CYFIP1: variants seen among roughly 807,000 people sequenced by gnomAD.
The protein encoded by CYFIP1 is cytoplasmic FMR1 interacting protein 1.
CYFIP1 carries 58 observed loss-of-function variants against 163.5 expected under a neutral mutation model. The ratio of observed to expected loss-of-function variants is 0.35; its 90% CI spans 0.29 to 0.44. The LOEUF (loss-of-function observed/expected upper bound fraction) is 0.44, where lower values mean the gene tolerates loss of function less well. Ranked by LOEUF, CYFIP1 falls within the 20% of genes least tolerant of loss-of-function variation. The pLI, the probability that CYFIP1 is intolerant of heterozygous loss-of-function variation, is 1.00. For missense variants in CYFIP1, 1,338 were observed against 1,653.8 expected (o/e 0.81, Z 3.31); for synonymous variants, 663 against 660.7 (o/e 1.00, Z -0.05).
chr15:22,870,098 C>T lies in CYFIP1; in HGVS notation c.3692G>A (p.Gly1231Glu), dbSNP rs1289296912. ...ILDKYLKSGD[G>E]EGTPVEHVRC... ...CACATGCTCCACTGGCGTGCCCTCC[C>T]CGTCGCCTGACTTCAGGTACTTATC... Residue 1231 changes from glycine (G) to glutamate (E), a missense_variant, in exon 31 of 31, where the codon GGG (glycine) becomes GAG (glutamate). Transcript: ENST00000617928. The T allele has an allele frequency of 3.1e-6, 5 of 1,613,046 alleles. No individual in the cohort carries two copies. In the East Asian group the frequency reaches 1.1e-4, roughly 36 times the overall value.
At position 22,918,804 on chromosome 15, in the gene CYFIP1, AC is replaced by A; in HGVS notation, c.1413del (p.Phe472SerfsTer19). The A allele has an allele frequency of 6.2e-7, 1 of 1,613,064 alleles. No individual in the cohort carries two copies. Among genetic ancestry groups the A allele is most frequent in the Non-Finnish European group, 8.5e-7 (1 of 1,179,414 alleles). Reference protein sequence around the residue: ...LQVLMGRMESVFNHAIRHTVY... With the variant: ...LQVLMGRMESXFNHAIRHTVY... ...ACGGTGTGCCGGATGGCGTGGTTGA[AC>A]ACGCTCTCCATCCTGCCCATCAGCA... On this transcript the variant is annotated frameshift_variant, in exon 14 of 31. Transcript: ENST00000617928. LOFTEE classifies it high-confidence loss of function.
chr15:22,891,951 A>G lies in CYFIP1; in HGVS notation c.2676+939T>C, dbSNP rs115298884. On this transcript the variant is annotated intron_variant, in intron 23 of 30. Transcript: ENST00000617928. ...CATCCCAGCTCCAGGCATTGGGCAGATGGGGCAGACAATGTCCTGTGATTG... is the reference window on the plus strand; with the variant it reads ...CATCCCAGCTCCAGGCATTGGGCAGGTGGGGCAGACAATGTCCTGTGATTG... 1.1e-3 allele frequency among the ~76,000 whole-genome samples: 171 copies of G among 152,314 alleles called. 2 individuals carry two copies. The highest frequency in any genetic ancestry group is 3.9e-3 in the African/African-American group (164 of 41,578).
Position 22,867,296 on chromosome 15 carries a change from G to T in CYFIP1, c.*2732C>A. On this transcript the variant is annotated 3_prime_UTR_variant, in exon 31 of 31. Coordinates refer to ENST00000617928, the MANE Select transcript of CYFIP1 (RefSeq NM_014608.6). ...GTGATTTACCTTACCTACAAAAGTG[G>T]CTCCTGTTTGTTTGATGATGATTGG... 1 of 398,202 alleles carries T rather than the reference G, an allele frequency of 2.5e-6. No homozygotes were observed. Among genetic ancestry groups the T allele is most frequent in the East Asian group, 3.6e-5 (1 of 28,018 alleles). 24.7% of individuals were successfully genotyped at this position (398,202 alleles called of 1,614,324 possible).
chr15:22,932,853 A>G (rs1270229806), intron 10 of CYFIP1, among the ~76,000 whole-genome samples: 2 of 152,094 alleles, frequency 1.3e-5, no homozygotes, highest in African/African-American at 2.4e-5. Context: ...TCTTTGAGGT[A>G]GGGTCTTGCT....
intron 1 of CYFIP1, 161 bp from the exon 2 acceptor site, chr15:22,947,452 T>G: frequency 1.0e-6 from 1 of 980,040 alleles, no homozygotes; most frequent in Non-Finnish European, 1.5e-6. Flanking sequence ...TGCGTGTCTC[T>G]CTCAGGGCAC....
intron 17 of CYFIP1, among the ~76,000 whole-genome samples, chr15:22,913,605 TAAAAAAAAAAAAA>T (rs33967385): frequency 1.5e-5 from 1 of 66,970 alleles, no homozygotes; most frequent in Admixed American, 2.1e-4. Flanking sequence ...TAGACAGCAT[TAAAAAAAAAAAAA>T]AAAAAAAAAG....
At chr15:22,976,878 TG>T (rs1370257707) in intron 1 of CYFIP1, among the ~76,000 whole-genome samples, 2 of 152,102 alleles carry the variant, frequency 1.3e-5, no homozygotes, top group Admixed American at 6.6e-5. Context: ...TATCTCCCCA[TG>T]GATAAGGGGC....
intron 21 of CYFIP1, 64 bp from the exon 22 acceptor site, chr15:22,903,969 G>A: frequency 2.0e-6 from 3 of 1,485,608 alleles, no homozygotes; most frequent in Admixed American, 3.7e-5. Context: ...GCGCCGAGTG[G>A]CCTCTGATCC....
rs571593955 is a variant in CYFIP1 at position 22,893,046 on chromosome 15, C to G, written c.2589-69G>C. The G allele has an allele frequency of 1.2e-5, 14 of 1,123,890 alleles. No homozygotes were observed. In the South Asian group the frequency reaches 1.8e-4, roughly 15 times the overall value. 69.6% of individuals were successfully genotyped at this position (1,123,890 alleles called of 1,614,324 possible). On this transcript the variant is annotated intron_variant, in intron 22 of 30. Transcript: ENST00000617928. The stretch of plus-strand genomic sequence containing the variant: ...CAATAGTTCTTTAAAATTCAGAAGT[C>G]CTCCATAATCCATCTACTAAATCTT...
Position 22,968,890 on chromosome 15 carries a change from C to A in CYFIP1, c.-7+11397G>T, listed in dbSNP as rs1287349498. Reference sequence around the variant, plus strand: ...TCTAGGAACAGCTTGAGAAGTTGAGCTTTGGACAGGGATTCAAATGTAATG... The same window carrying A: ...TCTAGGAACAGCTTGAGAAGTTGAGATTTGGACAGGGATTCAAATGTAATG... On this transcript the variant is annotated intron_variant, in intron 1 of 30. Transcript: ENST00000617928. 5.3e-5 allele frequency among the ~76,000 whole-genome samples: 8 copies of A among 152,184 alleles called. 1 individual carries two copies. The South Asian group carries it at 1.7e-3, about 32-fold the overall frequency.
intron 1 of CYFIP1, among the ~76,000 whole-genome samples, chr15:22,966,849 A>G (rs994537595): frequency 6.6e-6 from 1 of 152,112 alleles, no homozygotes; most frequent in Non-Finnish European, 1.5e-5. Flanking sequence ...ACATCTCGAC[A>G]GCATCTGTGT....
intron 26 of CYFIP1, among the ~76,000 whole-genome samples, chr15:22,876,227 A>G (rs2059581088): frequency 6.6e-6 from 1 of 152,056 alleles, no homozygotes; most frequent in South Asian, 2.1e-4. Context: ...CCTCCCAGAG[A>G]TGATGGCAAA....
chr15:22,913,660 C>T (rs966201268), intron 17 of CYFIP1, among the ~76,000 whole-genome samples: 3 of 146,352 alleles, frequency 2.0e-5, no homozygotes, highest in South Asian at 4.5e-4. Flanking sequence ...TCCCACAGCT[C>T]ACCAGGAGCA....
intron 11 of CYFIP1, among the ~76,000 whole-genome samples, chr15:22,929,591 C>A (rs1206573882): frequency 7.7e-6 from 1 of 129,852 alleles, no homozygotes; most frequent in Non-Finnish European, 1.6e-5. Flanking sequence ...AAGATCACAC[C>A]ATTGCACTCC....
chr15:22,957,359 G>A (rs959463702), intron 1 of CYFIP1, among the ~76,000 whole-genome samples: 32 of 150,802 alleles, frequency 2.1e-4, no homozygotes, highest in African/African-American at 1.5e-4. Context: ...AAAATTGGCC[G>A]GGCGCAGTGG....
At chr15:22,958,566 G>GC (rs1462459979) in intron 1 of CYFIP1, among the ~76,000 whole-genome samples, 1 of 152,138 alleles carries the variant, frequency 6.6e-6, no homozygotes, top group East Asian at 1.9e-4. Flanking sequence ...CATGGCCTCC[G>GC]CCCCCCACCT....
chr15:22,927,179 A>T (rs35894840), intron 12 of CYFIP1, among the ~76,000 whole-genome samples: 4 of 152,002 alleles, frequency 2.6e-5, no homozygotes, highest in African/African-American at 9.7e-5. Context: ...TACAAAAAAA[A>T]CCAAAAAACA....
At chr15:22,952,470 A>G (rs2062286086) in intron 1 of CYFIP1, among the ~76,000 whole-genome samples, 3 of 151,862 alleles carry the variant, frequency 2.0e-5, no homozygotes, top group Admixed American at 1.3e-4. Flanking sequence ...CCTGGACAAT[A>G]TGGTGAAACG....
At chr15:22,889,652 C>T (rs1036401623) in intron 23 of CYFIP1, among the ~76,000 whole-genome samples, 2 of 152,208 alleles carry the variant, frequency 1.3e-5, no homozygotes, top group African/African-American at 4.8e-5. Flanking sequence ...GCCTCCCTCG[C>T]TTCCACAGCC....
Sources: allele counts gnomAD v4.1 joint callset (sites outside exome capture counted in the v4.1 genomes callset), GRCh38; gene constraint gnomAD v4.1.1; transcripts MANE v1.5; gene names NCBI Gene and HGNC (gene_info 2026-07-23, HGNC 2026-07-21).